KIF13B: variants seen among roughly 807,000 people sequenced by gnomAD.
KIF13B encodes kinesin-like protein KIF13B.
A neutral mutation model predicts 222.0 loss-of-function variants in KIF13B; 127 were observed. The ratio of observed to expected loss-of-function variants is 0.57; its 90% CI spans 0.50 to 0.66. The LOEUF is 0.66. KIF13B is among the 30% of genes least tolerant of loss of function. The probability of loss-of-function intolerance (pLI) is 0.00; values close to 1 mark genes in which losing one functional copy is unlikely to be tolerated. For synonymous variants in KIF13B, 976 were observed against 919.0 expected (o/e 1.06, Z -1.12); for missense variants, 2,173 against 2,379.0 (o/e 0.91, Z 1.80).
At position 29,071,696 on chromosome 8, in the gene KIF13B, C is replaced by T. The variant is rs888624293; in HGVS notation, c.5142G>A (p.Thr1714=). The T allele has an allele frequency of 1.9e-6, 3 of 1,552,430 alleles. No individual in the cohort carries two copies. Among genetic ancestry groups the T allele is most frequent in the Admixed American group, 1.9e-5 (1 of 51,328 alleles). Residue 1714 remains threonine, a synonymous_variant, in exon 39 of 40, where the codon ACG becomes ACA. Coordinates refer to ENST00000524189, the MANE Select transcript of KIF13B (RefSeq NM_015254.4). The surrounding 1 kb of genome is among the most constrained non-coding windows in gnomAD (Gnocchi z 4.9). ...GEFVTVGAHK[T]GVVRYVGPAD... is the part of the protein sequence containing the mutation. Reference sequence around the variant, plus strand: ...CAGGCCCCACGTATCTCACCACGCCCGTTTTGTGGGCGCCCACGGTGACGA... The same window carrying T: ...CAGGCCCCACGTATCTCACCACGCCTGTTTTGTGGGCGCCCACGGTGACGA...
At chr8:29,215,504 C>T (rs542429904) in intron 2 of KIF13B, among the ~76,000 whole-genome samples, 1 of 152,054 alleles carries the variant, frequency 6.6e-6, no homozygotes, top group African/African-American at 2.4e-5. Context: ...GCTTGAGCAA[C>T]GTAGGGAGAC....
chr8:29,135,989 A>G (rs908232928), intron 21 of KIF13B, among the ~76,000 whole-genome samples: 2 of 152,322 alleles, frequency 1.3e-5, no homozygotes, highest in South Asian at 4.1e-4. Flanking sequence ...CTAGACATAT[A>G]ATGGGTGAGC....
chr8:29,195,502 T>C (rs1457271431), intron 3 of KIF13B, among the ~76,000 whole-genome samples: 1 of 152,086 alleles, frequency 6.6e-6, no homozygotes, highest in Non-Finnish European at 1.5e-5. Flanking sequence ...GCAATAATAA[T>C]AGCGAACTGA....
chr8:29,160,991 A>G, intron 12 of KIF13B, 124 bp from the exon 13 acceptor site: 6 of 722,248 alleles, frequency 8.3e-6, no homozygotes, highest in Non-Finnish European at 8.6e-6. Context: ...CTCTTAGGCT[A>G]TGGCATTATA....
chr8:29,136,797 T>A (rs66740669), intron 21 of KIF13B, among the ~76,000 whole-genome samples: 11,539 of 112,984 alleles, frequency 0.1, 505 homozygotes, highest in African/African-American at 0.13. Flanking sequence ...TGTAACAGGT[T>A]TTTTTTTTTT....
intron 2 of KIF13B, among the ~76,000 whole-genome samples, chr8:29,218,631 C>G (rs1420625643): frequency 6.6e-6 from 1 of 151,856 alleles, no homozygotes; most frequent in Non-Finnish European, 1.5e-5. Flanking sequence ...AATTTGCAAA[C>G]AAAAATTTAA....
At chr8:29,109,378 AAGAGG>A (rs1257387900) in intron 34 of KIF13B, 51 bp downstream of exon 34, 48 of 1,346,796 alleles carry the variant, frequency 3.6e-5, no homozygotes, top group Admixed American at 8.5e-5. Flanking sequence ...TACCCAAGAA[AAGAGG>A]AGAGGAGAGA....
At chr8:29,194,737 C>T (rs192972990) in intron 3 of KIF13B, among the ~76,000 whole-genome samples, 4 of 152,232 alleles carry the variant, frequency 2.6e-5, no homozygotes, top group Admixed American at 6.5e-5. Context: ...GTAACAAATT[C>T]GAATAACATA....
chr8:29,243,441 G>A (rs2130643321), intron 2 of KIF13B, among the ~76,000 whole-genome samples: 1 of 152,018 alleles, frequency 6.6e-6, no homozygotes, highest in East Asian at 1.9e-4. Flanking sequence ...CAGATCACTT[G>A]AGGTCAGGAG....
chr8:29,122,622 T>C lies in KIF13B; in HGVS notation c.3504A>G (p.Thr1168=), dbSNP rs1809924053. The change falls in exon 29 of 40, where the codon ACA becomes ACG. Residue 1168 remains threonine (T), a synonymous_variant. Coordinates refer to ENST00000524189, the MANE Select transcript of KIF13B (RefSeq NM_015254.4). ...AEWTPVPGME[T]HIPVIFLDLN... ...AGTCCAGGAATATAACAGGAATGTG[T>C]GTCTCCATCCCAGGTACTGGGGTCC... 2 of 1,610,056 alleles carry C rather than the reference T, an allele frequency of 1.2e-6. No individual in the cohort carries two copies. Among genetic ancestry groups the C allele is most frequent in the African/African-American group, 2.7e-5 (2 of 74,930 alleles).
At chr8:29,091,992 G>A (rs151174494) in intron 37 of KIF13B, among the ~76,000 whole-genome samples, 59 of 152,310 alleles carry the variant, frequency 3.9e-4, no homozygotes, top group African/African-American at 1.3e-3. Flanking sequence ...AGTCTCAGAC[G>A]ATTCACCTGG....
chr8:29,130,047 C>T (rs1384489205), intron 24 of KIF13B, among the ~76,000 whole-genome samples: 3 of 152,186 alleles, frequency 2.0e-5, no homozygotes, highest in Non-Finnish European at 4.4e-5. Context: ...CCTTGTCTTC[C>T]TAAATGTTCT....
chr8:29,102,849 A>C (rs1242511048), intron 35 of KIF13B, among the ~76,000 whole-genome samples: 1 of 152,200 alleles, frequency 6.6e-6, no homozygotes, highest in Non-Finnish European at 1.5e-5. Flanking sequence ...CTATTGACTA[A>C]TCTTAATTTC....
At chr8:29,074,733 ATTCT>A (rs1807472627) in intron 38 of KIF13B, among the ~76,000 whole-genome samples, 1 of 152,270 alleles carries the variant, frequency 6.6e-6, no homozygotes, top group African/African-American at 2.4e-5. Flanking sequence ...AGATCTGAAT[ATTCT>A]TTCTAATGAT....
At chr8:29,156,480 A>G (rs147003710) in intron 13 of KIF13B, among the ~76,000 whole-genome samples, 1 of 152,022 alleles carries the variant, frequency 6.6e-6, no homozygotes, top group South Asian at 2.1e-4. Context: ...CCCCACCTCC[A>G]CAACCACTAT....
At chr8:29,098,270 G>A (rs1219712879) in intron 36 of KIF13B, among the ~76,000 whole-genome samples, 1 of 149,972 alleles carries the variant, frequency 6.7e-6, no homozygotes, top group African/African-American at 2.5e-5. Flanking sequence ...CCTATGATAG[G>A]TGACTCAAAA....
At chr8:29,110,804 T>C (rs1451149221) in intron 32 of KIF13B, 1 of 152,202 alleles carries the variant, frequency 6.6e-6, no homozygotes, top group Admixed American at 6.5e-5. Flanking sequence ...TCAAGCAAAG[T>C]GGGCTCTTAA....
chr8:29,225,748 A>T (rs1170915799), intron 2 of KIF13B, among the ~76,000 whole-genome samples: 1 of 152,152 alleles, frequency 6.6e-6, no homozygotes, highest in African/African-American at 2.4e-5. Context: ...ATTTTATTGT[A>T]ATCACCAGCT....
In KIF13B at chr8:29,263,007, C is replaced by T; in HGVS notation, c.28G>A (p.Val10Met). 1.3e-6 allele frequency: 2 copies of T among 1,599,662 alleles called. No individual in the cohort carries two copies. Among genetic ancestry groups the T allele is most frequent in the Middle Eastern group, 1.7e-4 (1 of 6,022 alleles). The change falls in exon 1 of 40, where the codon GTG (valine) becomes ATG (methionine). Residue 10 changes from valine to methionine, a missense_variant. Transcript: ENST00000524189. ...CGCCGGTTCATGGGTCGTATCCGCA[C>T]CGCCACTTTCACTTTGGAGTCCCCC... MGDSKVKVA[V>M]RIRPMNRRET... is the part of the protein sequence containing the mutation.
Sources: allele counts gnomAD v4.1 joint callset (sites outside exome capture counted in the v4.1 genomes callset), GRCh38; gene constraint gnomAD v4.1.1; non-coding constraint Gnocchi (gnomAD v3.1); transcripts MANE v1.5; gene names NCBI Gene and HGNC (gene_info 2026-07-23, HGNC 2026-07-21).